The following FBXO34 variants were observed in gnomAD, a reference collection of about 807,000 sequenced individuals.
FBXO34 encodes the protein F-box only protein 34.
FBXO34 carries 12 observed loss-of-function variants against 24.5 expected under a neutral mutation model. The observed-to-expected ratio is 0.49, with a 90% CI of 0.31 to 0.79. The LOEUF (loss-of-function observed/expected upper bound fraction) is 0.79, where lower values mean the gene tolerates loss of function less well. FBXO34 is among the 30% of genes least tolerant of loss of function. The pLI is 0.04. For missense variants in FBXO34, 823 were observed against 857.7 expected (o/e 0.96, Z 0.51); for synonymous variants, 320 against 311.9 (o/e 1.03, Z -0.27).
downstream of FBXO34, chr14:55,366,692 T>C (rs1391051931): frequency 6.6e-6 from 1 of 152,588 alleles, no homozygotes; most frequent in Non-Finnish European, 1.5e-5. Flanking sequence ...TTAAGCAGCC[T>C]GTTTGGTGCC....
the FBXO34 span, among the ~76,000 whole-genome samples, chr14:55,376,195 G>A: frequency 2.6e-5 from 4 of 152,196 alleles, no homozygotes; most frequent in Non-Finnish European, 5.9e-5. Flanking sequence ...CATACTAAGC[G>A]TCAGTTTCTC....
At chr14:55,292,359 A>AT (rs112026759) in intron 1 of FBXO34, among the ~76,000 whole-genome samples, 73 of 146,496 alleles carry the variant, frequency 5.0e-4, no homozygotes, top group South Asian at 3.7e-3. Context: ...CTGTATTTAC[A>AT]TTTTTTTTTT....
the FBXO34 span, chr14:55,390,857 G>T: frequency 7.8e-7 from 1 of 1,275,292 alleles, no homozygotes; most frequent in African/African-American, 1.5e-5. Context: ...TTAATCCCAT[G>T]AAATTCCACA....
intron 1 of FBXO34, among the ~76,000 whole-genome samples, chr14:55,334,554 T>C (rs1260201481): frequency 1.3e-5 from 2 of 151,102 alleles, no homozygotes; most frequent in African/African-American, 4.9e-5. Flanking sequence ...GGGCAGTAGA[T>C]GTGATCTGGG....
At chr14:55,428,698 C>CTTT in the FBXO34 span, 8 of 976,138 alleles carry the variant, frequency 8.2e-6, no homozygotes, top group Non-Finnish European at 8.6e-6. Context: ...TGTCCCCCGC[C>CTTT]TTTTTTTTTT....
chr14:55,373,901 C>G (rs1884870107), downstream of FBXO34, among the ~76,000 whole-genome samples: 1 of 152,046 alleles, frequency 6.6e-6, no homozygotes, highest in Non-Finnish European at 1.5e-5. Context: ...CATGAACAAT[C>G]TTCTCTACAC....
At chr14:55,430,367 C>T in the FBXO34 span, among the ~76,000 whole-genome samples, 1 of 147,712 alleles carries the variant, frequency 6.8e-6, no homozygotes, top group African/African-American at 2.5e-5. Context: ...CATGTGTCAC[C>T]TCATTTAATG....
chr14:55,322,110 C>T (rs1427974692), intron 1 of FBXO34, among the ~76,000 whole-genome samples: 1 of 151,972 alleles, frequency 6.6e-6, no homozygotes, highest in Non-Finnish European at 1.5e-5. Flanking sequence ...ATCACGAGGT[C>T]AGGAGATCGA....
intron 1 of FBXO34, among the ~76,000 whole-genome samples, chr14:55,323,583 A>G (rs942867369): frequency 4.6e-5 from 7 of 151,786 alleles, no homozygotes; most frequent in Admixed American, 2.6e-4. Flanking sequence ...GAGTTTCACT[A>G]TGTTGGCCAG....
chr14:55,374,844 T>G (rs938651879), downstream of FBXO34, among the ~76,000 whole-genome samples: 5 of 152,214 alleles, frequency 3.3e-5, no homozygotes, highest in African/African-American at 1.2e-4. Context: ...GGGACTATTT[T>G]CTTCCTCTAA....
intron 3 of FBXO34, among the ~76,000 whole-genome samples, chr14:55,359,009 G>T (rs1186935152): frequency 6.6e-6 from 1 of 152,060 alleles, no homozygotes; most frequent in South Asian, 2.1e-4. Flanking sequence ...TGGCAGGGAA[G>T]GAGCCAGGGA....
At chr14:55,291,530 A>C (rs987152803) in intron 1 of FBXO34, among the ~76,000 whole-genome samples, 6 of 152,208 alleles carry the variant, frequency 3.9e-5, no homozygotes, top group African/African-American at 2.4e-5. Context: ...TGTATTCTTT[A>C]GGAGTTTTTA....
At chr14:55,370,917 A>G (rs959559574), downstream of FBXO34, among the ~76,000 whole-genome samples, 4 of 152,272 alleles carry the variant, frequency 2.6e-5, no homozygotes, top group African/African-American at 9.6e-5. Context: ...CTGAGATTAC[A>G]GTTGTGAGCC....
chr14:55,424,396 G>C, the FBXO34 span: 1 of 562,090 alleles, frequency 1.8e-6, no homozygotes, highest in Non-Finnish European at 3.2e-6. Context: ...TAACTATCTT[G>C]ATGAAGAGTC....
chr14:55,422,807 C>A, the FBXO34 span, among the ~76,000 whole-genome samples: 1,187 of 152,094 alleles, frequency 7.8e-3, 10 homozygotes, highest in African/African-American at 0.022. Context: ...GAGCTGAGAT[C>A]GCGCCGCCAT....
downstream of FBXO34, among the ~76,000 whole-genome samples, chr14:55,363,019 C>G (rs1033609097): frequency 2.5e-5 from 3 of 121,940 alleles, no homozygotes; most frequent in African/African-American, 9.2e-5. Context: ...TTTTTTCTCT[C>G]TCTCTTTTTT....
chr14:55,384,942 CTA>C, the FBXO34 span, among the ~76,000 whole-genome samples: 215 of 152,340 alleles, frequency 1.4e-3, no homozygotes, highest in African/African-American at 4.8e-3. Context: ...TCTGGAACCT[CTA>C]TTTCTCAGAT....
At chr14:55,356,964 G>A (rs1884531587), downstream of FBXO34, among the ~76,000 whole-genome samples, 1 of 152,098 alleles carries the variant, frequency 6.6e-6, no homozygotes, top group South Asian at 2.1e-4. Flanking sequence ...CCCAGGCTGG[G>A]AATCTGATTG....
intron 1 of FBXO34, among the ~76,000 whole-genome samples, chr14:55,286,224 A>G (rs1000360271): frequency 1.3e-5 from 2 of 152,124 alleles, no homozygotes; most frequent in Non-Finnish European, 2.9e-5. Flanking sequence ...TTCTTGGTTT[A>G]TTAAAGTAAG....
Sources: gnomAD v4.1 joint callset for allele counts (sites outside exome capture counted in the v4.1 genomes callset) on GRCh38, gnomAD v4.1.1 for gene constraint, MANE v1.5 for transcripts, NCBI Gene and HGNC (gene_info 2026-07-23, HGNC 2026-07-21) for gene names.